COL24A1: variants seen among roughly 807,000 people sequenced by gnomAD.
COL24A1 encodes collagen type XXIV alpha 1 chain.
COL24A1 carries 224 observed loss-of-function variants against 253.9 expected under a neutral mutation model. The ratio of observed to expected loss-of-function variants is 0.88; its 90% CI spans 0.79 to 0.99. The LOEUF (loss-of-function observed/expected upper bound fraction) is 0.99, where lower values mean the gene tolerates loss of function less well. Among genes scored for constraint, COL24A1 ranks in the 50% least tolerant of loss-of-function variants. COL24A1 has a pLI of 0.00. For synonymous variants in COL24A1, 685 were observed against 673.7 expected, an observed-to-expected ratio of 1.02 and a Z score of -0.26; for missense variants, 2,131 against 2,068.5, an observed-to-expected ratio of 1.03 and a Z score of -0.59.
chr1:86,007,506 C>A lies in COL24A1; in HGVS notation c.2310+9645G>T, dbSNP rs145268178. 5.3e-3 allele frequency among the ~76,000 whole-genome samples: 804 copies of A among 152,254 alleles called. 8 individuals are homozygous for A. The highest frequency in any genetic ancestry group is 0.019 in the African/African-American group (772 of 41,534). ...TTGAAAATTTATGTCCACACAAAACCCTGCACATGACTATTTACAGCAGCT... is the reference window on the plus strand; with the variant it reads ...TTGAAAATTTATGTCCACACAAAACACTGCACATGACTATTTACAGCAGCT... On this transcript the variant is annotated intron_variant, in intron 19 of 59. Coordinates refer to ENST00000370571, the MANE Select transcript of COL24A1 (RefSeq NM_152890.7).
chr1:86,033,458 A>G (rs1195460974), intron 13 of COL24A1, among the ~76,000 whole-genome samples: 3 of 152,160 alleles, frequency 2.0e-5, no homozygotes, highest in Admixed American at 2.0e-4. Context: ...TGACAGCTAA[A>G]TAATCCCAAA....
intron 48 of COL24A1, 82 bp from the exon 49 acceptor site, chr1:85,784,448 C>G (rs1669464540): frequency 8.2e-6 from 8 of 970,646 alleles, no homozygotes; most frequent in Admixed American, 3.8e-5. Context: ...AAATACAGGC[C>G]CATCCTTAGG....
At chr1:85,793,338 C>T (rs2101690372) in intron 47 of COL24A1, among the ~76,000 whole-genome samples, 1 of 152,132 alleles carries the variant, frequency 6.6e-6, no homozygotes, top group East Asian at 1.9e-4. Context: ...AACTATCTCT[C>T]ACCATTTATC....
chr1:86,156,488 GA>G lies in COL24A1; in HGVS notation c.-93del. 4 of 1,165,064 alleles carry G rather than the reference GA, an allele frequency of 3.4e-6. No homozygotes were observed. The highest frequency in any genetic ancestry group is 4.7e-6 in the Non-Finnish European group (4 of 847,522). The allele number at this position is 1,165,064 out of a possible 1,614,324, so 72.2% of individuals were successfully genotyped here. A position where few individuals can be genotyped will look rare whatever the true frequency, so the allele number is the denominator to read the frequency against. On this transcript the variant is annotated 5_prime_UTR_variant, in exon 1 of 60. Transcript: ENST00000370571. Reference sequence around the variant, plus strand: ...GTGCAGGTACTGTCCATGAAAAAGGGAAAAAACAATCACATGAAAACCATGC... The same window carrying G: ...GTGCAGGTACTGTCCATGAAAAAGGGAAAAACAATCACATGAAAACCATGC...
intron 22 of COL24A1, among the ~76,000 whole-genome samples, chr1:85,969,780 A>T (rs947505906): frequency 6.6e-6 from 1 of 152,196 alleles, no homozygotes; most frequent in East Asian, 1.9e-4. Context: ...AAAATGTTTA[A>T]ATAATTCATT....
intron 14 of COL24A1, among the ~76,000 whole-genome samples, chr1:86,027,671 C>T (rs541925444): frequency 4.3e-4 from 66 of 151,930 alleles, no homozygotes; most frequent in African/African-American, 1.6e-3. Context: ...AGAATCTCTG[C>T]TAGGACAGTG....
At chr1:86,067,207 G>A (rs959797800) in intron 7 of COL24A1, among the ~76,000 whole-genome samples, 1 of 152,024 alleles carries the variant, frequency 6.6e-6, no homozygotes. Flanking sequence ...ATTCACGTAA[G>A]GTCAGTGGAC....
intron 12 of COL24A1, among the ~76,000 whole-genome samples, chr1:86,040,301 T>A (rs142019502): frequency 6.6e-5 from 10 of 152,148 alleles, no homozygotes; most frequent in African/African-American, 2.2e-4. Flanking sequence ...CTCTTTTTTT[T>A]TTCTTTTCTT....
At chr1:85,950,198 G>T (rs1689752905) in intron 24 of COL24A1, among the ~76,000 whole-genome samples, 1 of 152,040 alleles carries the variant, frequency 6.6e-6, no homozygotes, top group African/African-American at 2.4e-5. Context: ...TAAAAAGCAA[G>T]AATTTTTTTT....
chr1:85,884,357 T>C (rs1015500838), intron 32 of COL24A1, among the ~76,000 whole-genome samples: 2 of 152,158 alleles, frequency 1.3e-5, no homozygotes, highest in Non-Finnish European at 2.9e-5. Context: ...TTACTGGTTG[T>C]TGTAGCTATG....
chr1:86,017,090 C>T (rs1026109915), intron 19 of COL24A1, 61 bp downstream of exon 19: 1 of 1,412,232 alleles, frequency 7.1e-7, no homozygotes, highest in Non-Finnish European at 9.8e-7. Flanking sequence ...CATGTTTTAT[C>T]AAACAAGTTT....
intron 14 of COL24A1, among the ~76,000 whole-genome samples, chr1:86,024,533 A>G (rs1292792365): frequency 2.0e-5 from 3 of 152,198 alleles, no homozygotes; most frequent in Non-Finnish European, 4.4e-5. Flanking sequence ...TGAGTCTTAA[A>G]GTCTGTGAAA....
chr1:86,120,079 G>A (rs1339563320), intron 3 of COL24A1, among the ~76,000 whole-genome samples: 1 of 152,198 alleles, frequency 6.6e-6, no homozygotes, highest in African/African-American at 2.4e-5. Context: ...TGGGAAAACT[G>A]TCTAGCCATA....
In COL24A1 at chr1:86,125,526, C is replaced by CG. The variant is rs770039983; in HGVS notation, c.809dup (p.Pro271AlafsTer6). ...GTACTTTTTCAGCAAATAGTTTGGG[C>CG]GGGGGAGAGTGTTCCGGTATCTTTG... is the stretch of plus-strand genomic sequence containing the variant. On this transcript the variant is annotated frameshift_variant, in exon 3 of 60. Coordinates refer to ENST00000370571, the MANE Select transcript of COL24A1 (RefSeq NM_152890.7). LOFTEE classifies it high-confidence loss of function. 6.2e-7 allele frequency: 1 copy of CG among 1,613,454 alleles called. No homozygotes were observed. The highest frequency in any genetic ancestry group is 1.3e-5 in the African/African-American group (1 of 74,964).
chr1:85,986,035 AC>A (rs1693693750), intron 20 of COL24A1, among the ~76,000 whole-genome samples: 1 of 151,740 alleles, frequency 6.6e-6, no homozygotes, highest in African/African-American at 2.4e-5. Flanking sequence ...ACAAATTCCT[AC>A]TCATTCATGT....
At chr1:86,133,163 G>A (rs1299383522) in intron 2 of COL24A1, among the ~76,000 whole-genome samples, 1 of 152,054 alleles carries the variant, frequency 6.6e-6, no homozygotes, top group African/African-American at 2.4e-5. Flanking sequence ...TTTGTCTGTT[G>A]GTGTATAAGA....
intron 26 of COL24A1, among the ~76,000 whole-genome samples, chr1:85,909,236 AAAAACAAAAC>A (rs1023437842): frequency 6.6e-6 from 1 of 151,790 alleles, no homozygotes; most frequent in Non-Finnish European, 1.5e-5. Flanking sequence ...GCATAGCTTA[AAAAACAAAAC>A]AAAACAAAAC....
At chr1:86,019,564 T>G in intron 18 of COL24A1, among the ~76,000 whole-genome samples, 1 of 72,114 alleles carries the variant, frequency 1.4e-5, no homozygotes, top group Non-Finnish European at 2.9e-5. Flanking sequence ...TCTCTAAAAA[T>G]TTTTTTTTTA....
chr1:86,123,106 C>A (rs571674392), intron 3 of COL24A1, among the ~76,000 whole-genome samples: 36 of 152,060 alleles, frequency 2.4e-4, no homozygotes, highest in Middle Eastern at 3.4e-3. Flanking sequence ...ACACTACAAA[C>A]TTTACAAAGT....
Sources: gnomAD v4.1 joint callset for allele counts (sites outside exome capture counted in the v4.1 genomes callset) on GRCh38, gnomAD v4.1.1 for gene constraint, MANE v1.5 for transcripts, NCBI Gene and HGNC (gene_info 2026-07-23, HGNC 2026-07-21) for gene names.